The following RABGAP1L variants were observed in gnomAD, a reference collection of about 807,000 sequenced individuals.
RABGAP1L encodes the protein RAB GTPase activating protein 1 like.
RABGAP1L carries 63 observed loss-of-function variants against 137.7 expected under a neutral mutation model. That is an observed-to-expected ratio of 0.46 (90% confidence interval 0.37 to 0.56). The LOEUF (loss-of-function observed/expected upper bound fraction) is 0.56, where lower values mean the gene tolerates loss of function less well. RABGAP1L is among the 20% of genes least tolerant of loss of function. RABGAP1L has a pLI of 0.00. For synonymous variants in RABGAP1L, 431 were observed against 433.7 expected, an observed-to-expected ratio of 0.99 and a Z score of 0.08; for missense variants, 1,095 against 1,244.0, an observed-to-expected ratio of 0.88 and a Z score of 1.80.
chr1:174,960,147 G>A (rs1668957467), intron 20 of RABGAP1L, among the ~76,000 whole-genome samples: 1 of 152,066 alleles, frequency 6.6e-6, no homozygotes, highest in Admixed American at 6.6e-5. Context: ...ACCCTAGCTT[G>A]CCATATGACA....
intron 13 of RABGAP1L, among the ~76,000 whole-genome samples, chr1:174,539,870 T>G (rs1045118938): frequency 1.3e-5 from 2 of 152,248 alleles, no homozygotes; most frequent in African/African-American, 4.8e-5. Context: ...ATCGCCACAC[T>G]GTCTTCCACA....
intron 19 of RABGAP1L, among the ~76,000 whole-genome samples, chr1:174,887,114 G>T (rs554719764): frequency 6.6e-6 from 1 of 152,198 alleles, no homozygotes; most frequent in East Asian, 1.9e-4. Flanking sequence ...CTCACGCTTT[G>T]GCTTTTGTCC....
intron 19 of RABGAP1L, among the ~76,000 whole-genome samples, chr1:174,928,200 T>C (rs1279017198): frequency 1.3e-5 from 2 of 152,132 alleles, no homozygotes; most frequent in Non-Finnish European, 2.9e-5. Flanking sequence ...TCTAGCTGTC[T>C]AGCAGTTACT....
In RABGAP1L at chr1:174,811,924, T is replaced by C. The variant is rs149852136; in HGVS notation, c.2304T>C (p.Asn768=). 1 of 1,606,798 alleles carries C rather than the reference T, an allele frequency of 6.2e-7. No individual in the cohort carries two copies. The highest frequency in any genetic ancestry group is 1.3e-5 in the African/African-American group (1 of 74,662). Residue 768 remains asparagine, a synonymous_variant, in exon 19 of 26, where the codon AAT becomes AAC. Coordinates refer to ENST00000681986, the MANE Select transcript of RABGAP1L (RefSeq NM_001366446.1). The part of the protein sequence containing the change: ...QLPKRYRAEE[N]ARRLMEQACN... ...CAAAGAGATACAGGGCAGAGGAAAA[T>C]GCAAGAAGACTGATGGAGCAGGCTT...
chr1:174,276,521 G>A (rs1228707601), intron 9 of RABGAP1L, among the ~76,000 whole-genome samples: 1 of 152,038 alleles, frequency 6.6e-6, no homozygotes, highest in African/African-American at 2.4e-5. Context: ...TATTTCATTT[G>A]TGGAGACTAG....
intron 13 of RABGAP1L, among the ~76,000 whole-genome samples, chr1:174,601,282 A>C (rs188107073): frequency 4.3e-4 from 66 of 152,342 alleles, no homozygotes; most frequent in African/African-American, 1.4e-3. Flanking sequence ...GGCTGCTGCG[A>C]AGGTCTCTGA....
At chr1:174,568,987 TTAC>T (rs1186788821) in intron 13 of RABGAP1L, among the ~76,000 whole-genome samples, 2 of 152,210 alleles carry the variant, frequency 1.3e-5, no homozygotes, top group East Asian at 3.8e-4. Flanking sequence ...TCTATGTTGA[TTAC>T]TACCATTTCA....
chr1:174,472,987 G>A (rs1349034002), intron 13 of RABGAP1L, among the ~76,000 whole-genome samples: 3 of 152,114 alleles, frequency 2.0e-5, no homozygotes, highest in African/African-American at 2.4e-5. Flanking sequence ...TTAAATATAT[G>A]TCACTCTGTT....
At chr1:174,330,349 G>A (rs1247327731) in intron 11 of RABGAP1L, among the ~76,000 whole-genome samples, 1 of 152,174 alleles carries the variant, frequency 6.6e-6, no homozygotes, top group Non-Finnish European at 1.5e-5. Flanking sequence ...GGAGGCTGAG[G>A]CAGGAGGATC....
chr1:174,335,208 C>T (rs184393512), intron 11 of RABGAP1L, among the ~76,000 whole-genome samples: 4 of 152,296 alleles, frequency 2.6e-5, no homozygotes, highest in Non-Finnish European at 5.9e-5. Context: ...TTTGTCAACG[C>T]AAACATCAAA....
intron 14 of RABGAP1L, among the ~76,000 whole-genome samples, chr1:174,647,827 A>G (rs1252799991): frequency 6.6e-6 from 1 of 151,966 alleles, no homozygotes; most frequent in African/African-American, 2.4e-5. Context: ...CTGTGACTCC[A>G]TCTGGTCCTG....
Position 174,833,368 on chromosome 1 carries a change from T to TTGTG in RABGAP1L, c.2340+21438_2340+21441dup, listed in dbSNP as rs71117578. On this transcript the variant is annotated intron_variant, in intron 19 of 25. Transcript: ENST00000681986. ...GCGCATGCCACCACAACCAGCTAAT[T>TTGTG]TGTGTGTGTGTGTGTGTGTGTGTGT... Among the ~76,000 whole-genome samples, 901 of 108,510 alleles carry TTGTG rather than the reference T, an allele frequency of 8.3e-3. 11 individuals are homozygous for TTGTG. Among genetic ancestry groups the TTGTG allele is most frequent in the African/African-American group, 0.017 (536 of 31,572 alleles). The allele number at this position is 108,510 out of a possible 152,430, so 71.2% of individuals were successfully genotyped here.
chr1:174,661,808 A>G (rs956915094), intron 14 of RABGAP1L, among the ~76,000 whole-genome samples: 3 of 152,154 alleles, frequency 2.0e-5, no homozygotes, highest in Non-Finnish European at 4.4e-5. Context: ...CCTATCACCC[A>G]GTGACATCAT....
chr1:174,725,234 A>G (rs1018314768), intron 17 of RABGAP1L, among the ~76,000 whole-genome samples: 5 of 152,224 alleles, frequency 3.3e-5, no homozygotes, highest in Non-Finnish European at 4.4e-5. Context: ...GGTTAGTTGA[A>G]TGTATCAGCA....
At chr1:174,699,374 A>G (rs1369202488) in intron 15 of RABGAP1L, 151 bp from the exon 16 acceptor site, 3 of 532,176 alleles carry the variant, frequency 5.6e-6, no homozygotes, top group East Asian at 6.2e-5. Context: ...TAAGGAGGTC[A>G]TGTCACTCTG....
At chr1:174,964,716 G>A (rs1462050074) in intron 20 of RABGAP1L, 1 of 1,031,420 alleles carries the variant, frequency 9.7e-7, no homozygotes. Context: ...GGAGAGGGAG[G>A]AGTTTGAAGA....
chr1:174,286,972 G>C (rs1322473602), intron 10 of RABGAP1L, among the ~76,000 whole-genome samples: 4 of 152,066 alleles, frequency 2.6e-5, no homozygotes, highest in African/African-American at 9.7e-5. Context: ...TCTAAAGAAT[G>C]TTCTGTGTGT....
Position 174,546,510 on chromosome 1 carries a change from G to C in RABGAP1L, c.1711-90865G>C, listed in dbSNP as rs116305237. Reference sequence around the variant, plus strand: ...GTTCATATATTTTAGATAACACCCAGTTCTGTACATTTATCAGCTCTTTGC... The same window carrying C: ...GTTCATATATTTTAGATAACACCCACTTCTGTACATTTATCAGCTCTTTGC... On this transcript the variant is annotated intron_variant, in intron 13 of 25. Transcript: ENST00000681986. 1.8e-3 allele frequency among the ~76,000 whole-genome samples: 275 copies of C among 152,268 alleles called. 2 individuals are homozygous for C. Among genetic ancestry groups the C allele is most frequent in the African/African-American group, 6.3e-3 (262 of 41,552 alleles).
Position 174,639,482 on chromosome 1 carries a change from G to T in RABGAP1L, c.1824+1994G>T, listed in dbSNP as rs56684280. Among the ~76,000 whole-genome samples the T allele has an allele frequency of 5.3e-3, 806 of 152,152 alleles. 10 individuals carry two copies. Among genetic ancestry groups the T allele is most frequent in the African/African-American group, 0.018 (762 of 41,508 alleles). On this transcript the variant is annotated intron_variant, in intron 14 of 25. Transcript: ENST00000681986. ...GATTAACACTGGCTTTTGTAAAGAG[G>T]TTAGGAAAATTTATATCATTTCCAA... is the stretch of plus-strand genomic sequence containing the variant.
Sources: gnomAD v4.1 joint callset for allele counts (sites outside exome capture counted in the v4.1 genomes callset) on GRCh38, gnomAD v4.1.1 for gene constraint, MANE v1.5 for transcripts, NCBI Gene and HGNC (gene_info 2026-07-23, HGNC 2026-07-21) for gene names.